Variants in SLC25A30 observed in about 807,000 individuals in gnomAD.
SLC25A30 encodes kidney mitochondrial carrier protein 1.
Under a neutral mutation model 42.7 loss-of-function variants are expected in SLC25A30, and 29 were observed. The ratio of observed to expected loss-of-function variants is 0.68; its 90% confidence interval spans 0.51 to 0.93. The LOEUF is 0.93. Among genes scored for constraint, SLC25A30 ranks in the 40% least tolerant of loss-of-function variants. The pLI, the probability that SLC25A30 is intolerant of heterozygous loss-of-function variation, is 0.00. For synonymous variants in SLC25A30, 124 were observed against 131.0 expected, an observed-to-expected ratio of 0.95 and a Z score of 0.37; for missense variants, 300 against 359.7, an observed-to-expected ratio of 0.83 and a Z score of 1.34.
chr13:45,411,083 G>T (rs1047379098), intron 2 of SLC25A30, among the ~76,000 whole-genome samples: 3 of 151,750 alleles, frequency 2.0e-5, no homozygotes, highest in African/African-American at 7.3e-5. Flanking sequence ...GGGACTACAG[G>T]CCTGTGCCAC....
chr13:45,420,872 C>A (rs1593639306), upstream of SLC25A30, among the ~76,000 whole-genome samples: 1 of 151,858 alleles, frequency 6.6e-6, no homozygotes. Context: ...GGCCAAAGAT[C>A]TTTTTGAAAG....
In SLC25A30 at chr13:45,412,634, A is replaced by C. The variant is rs150982345; in HGVS notation, c.-55-1154T>G. Among the ~76,000 whole-genome samples the C allele has an allele frequency of 9.2e-5, 14 of 152,264 alleles. No homozygotes were observed. In the East Asian group the frequency reaches 2.7e-3, roughly 29 times the overall value. ...TAGGGGGACATCCATACTTTTATTC[A>C]CTAAGTTAAATAAATGTCAAGCTGT... On this transcript the variant is annotated intron_variant, in intron 1 of 9. Transcript: ENST00000519676.
chr13:45,403,662 G>T (rs2137650429), intron 5 of SLC25A30, among the ~76,000 whole-genome samples: 1 of 152,270 alleles, frequency 6.6e-6, no homozygotes, highest in Admixed American at 6.5e-5. Context: ...TGCAGGCCAG[G>T]CACGGTGGCT....
intron 3 of SLC25A30, among the ~76,000 whole-genome samples, chr13:45,408,674 T>C (rs1301121146): frequency 6.6e-6 from 1 of 152,258 alleles, no homozygotes; most frequent in Non-Finnish European, 1.5e-5. Context: ...AGAATGTTTT[T>C]AAACAAACAT....
At chr13:45,416,914 G>C (rs970580072) in intron 1 of SLC25A30, among the ~76,000 whole-genome samples, 2 of 152,188 alleles carry the variant, frequency 1.3e-5, no homozygotes, top group Admixed American at 6.5e-5. Context: ...TGGTTGCTTA[G>C]TATTTATTTT....
At chr13:45,410,617 G>A (rs1335745828) in intron 2 of SLC25A30, among the ~76,000 whole-genome samples, 1 of 152,136 alleles carries the variant, frequency 6.6e-6, no homozygotes, top group Non-Finnish European at 1.5e-5. Context: ...GTCGAGACCA[G>A]CCTGGGCAAC....
At chr13:45,401,258 C>T in intron 6 of SLC25A30, 51 bp from the exon 7 acceptor site, 1 of 1,581,906 alleles carries the variant, frequency 6.3e-7, no homozygotes, top group South Asian at 1.1e-5. Context: ...CTCTGTAGAA[C>T]AAGCCTTGCA....
rs1474110285 is a variant in SLC25A30, at chr13:45,398,982, G to A, written c.711C>T (p.Gly237=). The change falls in exon 8 of 10, where the codon GGC becomes GGT. Residue 237 remains glycine, a synonymous_variant. Coordinates refer to ENST00000519676, the MANE Select transcript of SLC25A30 (RefSeq NM_001010875.4). ...RMMNQRVLRD[G]RCSGYTGTLD... The stretch of plus-strand genomic sequence containing the variant: ...GGGTTCCTGTGTAGCCAGAACATCT[G>A]CCATCTCGAAGCACTCTCTGATTCA... The A allele has an allele frequency of 6.2e-7, 1 of 1,613,898 alleles. No homozygotes were observed. The highest frequency in any genetic ancestry group is 8.5e-7 in the Non-Finnish European group (1 of 1,179,996).
chr13:45,425,309 AAT>A, the SLC25A30 span, among the ~76,000 whole-genome samples: 1 of 105,598 alleles, frequency 9.5e-6, no homozygotes, highest in Non-Finnish European at 1.7e-5. Flanking sequence ...CGTATATATA[AAT>A]ATATATGTAT....
At chr13:45,399,512 A>G (rs1015581466) in intron 7 of SLC25A30, among the ~76,000 whole-genome samples, 1 of 152,092 alleles carries the variant, frequency 6.6e-6, no homozygotes, top group Non-Finnish European at 1.5e-5. Context: ...CCCAGCCCCA[A>G]AACTATGTTG....
intron 9 of SLC25A30, chr13:45,397,024 C>T (rs1231420294): frequency 1.2e-5 from 6 of 481,756 alleles, no homozygotes; most frequent in Non-Finnish European, 2.2e-5. Flanking sequence ...CTAACTAAAC[C>T]TTTTTAGTAG....
upstream of SLC25A30, among the ~76,000 whole-genome samples, chr13:45,419,130 T>C (rs1352867117): frequency 1.1e-5 from 1 of 90,536 alleles, no homozygotes; most frequent in African/African-American, 5.2e-5. Context: ...TACTCCCTCT[T>C]AAAAAAAAAA....
rs577540031 is a variant in SLC25A30 at position 45,414,973 on chromosome 13, G to A, written c.-56+3327C>T. Among the ~76,000 whole-genome samples the A allele has an allele frequency of 5.3e-5, 8 of 152,314 alleles. No homozygotes were observed. The East Asian group carries it at 7.7e-4, about 15-fold the overall frequency. On this transcript the variant is annotated intron_variant, in intron 1 of 9. Transcript: ENST00000519676. ...GTCAATAGTGTCTGGGCAGCATCTC[G>A]GGGAAGGAATTACAACTTTGCAGAA...
At chr13:45,409,897 T>A (rs1882853575) in intron 2 of SLC25A30, among the ~76,000 whole-genome samples, 1 of 152,134 alleles carries the variant, frequency 6.6e-6, no homozygotes, top group Admixed American at 6.6e-5. Context: ...ATAAAACCCA[T>A]CCTCAGACAG....
upstream of SLC25A30, among the ~76,000 whole-genome samples, chr13:45,418,940 C>CAAA (rs1168457204): frequency 1.2e-3 from 18 of 14,906 alleles, 2 homozygotes; most frequent in Admixed American, 3.7e-3. Context: ...GACTTCGTCT[C>CAAA]AAAAAAAAAA....
intron 5 of SLC25A30, 68 bp from the exon 6 acceptor site, chr13:45,402,438 C>A: frequency 8.1e-6 from 10 of 1,239,924 alleles, no homozygotes; most frequent in Non-Finnish European, 1.2e-5. Context: ...CCAATGTATA[C>A]CTCTGACAGT....
intron 7 of SLC25A30, among the ~76,000 whole-genome samples, chr13:45,400,405 G>A (rs1593603341): frequency 6.6e-6 from 1 of 152,282 alleles, no homozygotes; most frequent in South Asian, 2.1e-4. Context: ...CTGGGTAACA[G>A]TGAGACCCCG....
chr13:45,412,893 A>G (rs1883154135), intron 1 of SLC25A30, among the ~76,000 whole-genome samples: 2 of 152,348 alleles, frequency 1.3e-5, no homozygotes, highest in South Asian at 2.1e-4. Context: ...TATATATACT[A>G]TCAACTATAG....
At position 45,394,261 on chromosome 13, in the gene SLC25A30, C is replaced by T; in HGVS notation, c.*1713G>A. 4 of 978,560 alleles carry T rather than the reference C, an allele frequency of 4.1e-6. No individual in the cohort carries two copies. Among genetic ancestry groups the T allele is most frequent in the Non-Finnish European group, 4.9e-6 (4 of 824,554 alleles). 60.6% of individuals were successfully genotyped at this position (978,560 alleles called of 1,614,324 possible). The stretch of plus-strand genomic sequence containing the variant: ...CCACTGCACCCCGCCCCCGCCCCCA[C>T]CTTCTGTTATCCTCTCTTTTTGATG... On this transcript the variant is annotated 3_prime_UTR_variant, in exon 10 of 10. Coordinates refer to ENST00000519676, the MANE Select transcript of SLC25A30 (RefSeq NM_001010875.4).
Sources: allele counts gnomAD v4.1 joint callset (sites outside exome capture counted in the v4.1 genomes callset), GRCh38; gene constraint gnomAD v4.1.1; transcripts MANE v1.5; gene names NCBI Gene and HGNC (gene_info 2026-07-23, HGNC 2026-07-21).